Variants in KLHL41 observed in about 807,000 individuals in gnomAD.
The protein encoded by KLHL41 is kelch like family member 41.
A neutral mutation model predicts 49.2 loss-of-function variants in KLHL41; 31 were observed. That is an observed-to-expected ratio of 0.63 (90% CI 0.47 to 0.85). The LOEUF is 0.85. Among genes scored for constraint, KLHL41 ranks in the 40% least tolerant of loss-of-function variants. The probability of loss-of-function intolerance (pLI) is 0.00; values close to 1 mark genes in which losing one functional copy is unlikely to be tolerated. For missense variants in KLHL41, 663 were observed against 726.7 expected (o/e 0.91, Z 1.01); for synonymous variants, 218 against 258.5 (o/e 0.84, Z 1.50).
intron 5 of KLHL41, among the ~76,000 whole-genome samples, chr2:169,523,743 C>G (rs1684238251): frequency 6.6e-6 from 1 of 152,158 alleles, no homozygotes; most frequent in Non-Finnish European, 1.5e-5. Flanking sequence ...GCAGCATCAG[C>G]CTCACCTGGG....
intron 5 of KLHL41, among the ~76,000 whole-genome samples, chr2:169,524,678 G>C (rs755452742): frequency 3.3e-5 from 5 of 151,980 alleles, no homozygotes; most frequent in Non-Finnish European, 7.4e-5. Flanking sequence ...GATCACAGGT[G>C]TAAGCCACCA....
chr2:169,514,196 TG>T, intron 1 of KLHL41: 1 of 171,838 alleles, frequency 5.8e-6, no homozygotes, highest in Non-Finnish European at 1.2e-5. Flanking sequence ...TGACCCTCCT[TG>T]TTATGACAAC....
chr2:169,515,109 C>T (rs1320926560), intron 3 of KLHL41, 148 bp downstream of exon 3: 2 of 497,578 alleles, frequency 4.0e-6, no homozygotes, highest in South Asian at 5.7e-5. Context: ...TCTCGGCTCA[C>T]TGCAACCGCC....
chr2:169,515,698 T>C (rs1405126850), intron 3 of KLHL41, among the ~76,000 whole-genome samples: 1 of 152,190 alleles, frequency 6.6e-6, no homozygotes, highest in Non-Finnish European at 1.5e-5. Flanking sequence ...TACTTTACAT[T>C]CATAAGAGGG....
rs766932607 is a variant in KLHL41, at chr2:169,514,870, G to T, written c.1285G>T (p.Glu429Ter). 1 of 1,607,010 alleles carries T rather than the reference G, an allele frequency of 6.2e-7. No homozygotes were observed. The highest frequency in any genetic ancestry group is 1.1e-5 in the South Asian group (1 of 89,182). The change falls in exon 3 of 6, where the codon GAA becomes TAA. Residue 429 changes from glutamate (E) to a stop codon, truncating the protein, a stop_gained. Coordinates refer to ENST00000284669, the MANE Select transcript of KLHL41 (RefSeq NM_006063.3). LOFTEE classifies it high-confidence loss of function. ...TAATTTTAGGGCTGCAAAATGGAAC[G>T]AAGTAAAAAAACTCCCTATCAAAGT... ...CYDPVAAKWN[E>*]VKKLPIKVYG... is the part of the protein sequence containing the mutation.
rs1684302893 is a variant in KLHL41 at position 169,526,149 on chromosome 2, T to G, written c.*453T>G. 6.6e-6 allele frequency: 1 copy of G among 152,134 alleles called. No homozygotes were observed. Among genetic ancestry groups the G allele is most frequent in the Non-Finnish European group, 1.5e-5 (1 of 68,110 alleles). 9.4% of individuals were successfully genotyped at this position (152,134 alleles called of 1,614,324 possible). On this transcript the variant is annotated 3_prime_UTR_variant, in exon 6 of 6. Transcript: ENST00000284669. Reference sequence around the variant, plus strand: ...GAATCCTGTGCATTATACTAAGAATTACATGCCATAAGATGACTTCAGAAA... The same window carrying G: ...GAATCCTGTGCATTATACTAAGAATGACATGCCATAAGATGACTTCAGAAA...
chr2:169,523,379 G>A (rs531348101), intron 5 of KLHL41, among the ~76,000 whole-genome samples: 1 of 152,274 alleles, frequency 6.6e-6, no homozygotes, highest in Admixed American at 6.5e-5. Context: ...TCTGAAGTAT[G>A]GCCTGGGCTT....
chr2:169,515,213 A>C (rs1349338102), intron 3 of KLHL41, among the ~76,000 whole-genome samples: 1 of 151,724 alleles, frequency 6.6e-6, no homozygotes, highest in Admixed American at 6.6e-5. Context: ...TTGTATTTTT[A>C]GTAGAGACAG....
At chr2:169,520,078 C>T (rs1684174806) in intron 4 of KLHL41, among the ~76,000 whole-genome samples, 1 of 151,762 alleles carries the variant, frequency 6.6e-6, no homozygotes, top group Non-Finnish European at 1.5e-5. Flanking sequence ...TAGCTCACCG[C>T]AGCCTTGACC....
chr2:169,523,496 T>G (rs898448931), intron 5 of KLHL41, among the ~76,000 whole-genome samples: 3 of 152,178 alleles, frequency 2.0e-5, no homozygotes, highest in Non-Finnish European at 4.4e-5. Context: ...TCTGCTTGGC[T>G]ATTTTGAGAC....
chr2:169,512,483 A>T (rs1391364137), intron 1 of KLHL41, among the ~76,000 whole-genome samples: 1 of 152,192 alleles, frequency 6.6e-6, no homozygotes, highest in Non-Finnish European at 1.5e-5. Flanking sequence ...TAATTTATTG[A>T]ATATATCTAT....
chr2:169,510,409 A>C lies in KLHL41; in HGVS notation c.631A>C (p.Arg211=). 1 of 1,614,118 alleles carries C rather than the reference A, an allele frequency of 6.2e-7. No homozygotes were observed. The highest frequency in any genetic ancestry group is 8.5e-7 in the Non-Finnish European group (1 of 1,180,022). Residue 211 remains arginine (R), a synonymous_variant, in exon 1 of 6, where the codon AGG becomes CGG. Transcript: ENST00000284669. The surrounding 1 kb of genome is among the most constrained non-coding windows in gnomAD (Gnocchi z 4.2). ...MKWVRTDKEN[R]VKNLSEVFDC... ...ATGGGTGCGAACAGACAAGGAAAAC[A>C]GGGTTAAAAACCTTAGTGAAGTGTT...
At chr2:169,520,493 C>T (rs920352787) in intron 4 of KLHL41, among the ~76,000 whole-genome samples, 7 of 151,344 alleles carry the variant, frequency 4.6e-5, no homozygotes, top group African/African-American at 1.7e-4. Context: ...GCTCTGTTGC[C>T]CAGGCTGGAG....
At chr2:169,519,385 G>A (rs950354908) in intron 4 of KLHL41, among the ~76,000 whole-genome samples, 95 of 152,220 alleles carry the variant, frequency 6.2e-4, no homozygotes, top group African/African-American at 2.1e-3. Context: ...AACTTTTGTG[G>A]AACACTATTT....
At chr2:169,520,796 T>A in intron 4 of KLHL41, 65 bp from the exon 5 acceptor site, 1 of 1,273,522 alleles carries the variant, frequency 7.9e-7, no homozygotes, top group Non-Finnish European at 1.1e-6. Flanking sequence ...TTCCTATAAT[T>A]ATTCAGTAAG....
chr2:169,517,274 C>T (rs1019822085), intron 3 of KLHL41, among the ~76,000 whole-genome samples: 32 of 152,114 alleles, frequency 2.1e-4, no homozygotes, highest in African/African-American at 7.5e-4. Flanking sequence ...TTCTGAACTC[C>T]CATCAAATTA....
In KLHL41 at chr2:169,510,946, C is replaced by T; in HGVS notation, c.1110+58C>T. On this transcript the variant is annotated intron_variant, in intron 1 of 5. Coordinates refer to ENST00000284669, the MANE Select transcript of KLHL41 (RefSeq NM_006063.3). This position sits in a 1 kb window ranked among gnomAD's most constrained non-coding sequence, Gnocchi z 4.2. ...AAAGGGAAGGCTGTTACTCACCATC[C>T]AGTTAGCCAATTTGTGAATTATTCA... 1.4e-6 allele frequency: 2 copies of T among 1,412,238 alleles called. No individual in the cohort carries two copies. Among genetic ancestry groups the T allele is most frequent in the South Asian group, 2.6e-5 (2 of 76,366 alleles). 87.5% of individuals were successfully genotyped at this position (1,412,238 alleles called of 1,614,324 possible).
chr2:169,513,608 A>G, intron 1 of KLHL41, among the ~76,000 whole-genome samples: 1 of 152,168 alleles, frequency 6.6e-6, no homozygotes, highest in East Asian at 1.9e-4. Flanking sequence ...GCTTCCACAG[A>G]CACCCCTGTC....
At position 169,518,272 on chromosome 2, in the gene KLHL41, A is replaced by G. The variant is rs1340168814; in HGVS notation, c.1459A>G (p.Met487Val). 5 of 1,613,960 alleles carry G rather than the reference A, an allele frequency of 3.1e-6. No individual in the cohort carries two copies. Among genetic ancestry groups the G allele is most frequent in the Non-Finnish European group, 3.4e-6 (4 of 1,179,960 alleles). Residue 487 changes from methionine (M) to valine (V), a missense_variant, in exon 4 of 6, where the codon ATG becomes GTG. By Grantham distance (21) the Met-to-Val change is conservative. Coordinates refer to ENST00000284669, the MANE Select transcript of KLHL41 (RefSeq NM_006063.3). ...DLAPMKIPRS[M>V]FGVAVHKGKI... is the part of the protein sequence containing the mutation. The stretch of plus-strand genomic sequence containing the variant: ...GGCTCCAATGAAAATTCCTCGTTCC[A>G]TGTTTGGAGTAGCAGTCCATAAAGG...
Sources: allele counts gnomAD v4.1 joint callset (sites outside exome capture counted in the v4.1 genomes callset), GRCh38; gene constraint gnomAD v4.1.1; non-coding constraint Gnocchi (gnomAD v3.1); transcripts MANE v1.5; gene names NCBI Gene and HGNC (gene_info 2026-07-23, HGNC 2026-07-21).